ATAD1: variants seen among roughly 807,000 people sequenced by gnomAD.
The protein encoded by ATAD1 is ATPase family AAA domain containing 1.
In ATAD1, 18 loss-of-function variants were observed where a neutral mutation model predicts 42.7. That is an observed-to-expected ratio of 0.42 (90% CI 0.29 to 0.63). The LOEUF (loss-of-function observed/expected upper bound fraction) is 0.63. Among genes scored for constraint, ATAD1 ranks in the 20% least tolerant of loss-of-function variants. The pLI, the probability that ATAD1 is intolerant of heterozygous loss-of-function variation, is 0.19. For synonymous variants in ATAD1, 132 were observed against 143.1 expected (o/e 0.92, Z 0.55); for missense variants, 294 against 440.4 (o/e 0.67, Z 2.98).
intron 1 of ATAD1, among the ~76,000 whole-genome samples, chr10:87,827,237 G>C (rs765199556): frequency 6.6e-6 from 1 of 152,018 alleles, no homozygotes; most frequent in Admixed American, 6.6e-5. Flanking sequence ...ATAAAATTCT[G>C]TTTCAGTATT....
intron 5 of ATAD1, among the ~76,000 whole-genome samples, chr10:87,783,158 T>C (rs554552771): frequency 2.0e-5 from 3 of 152,216 alleles, no homozygotes; most frequent in African/African-American, 7.2e-5. Context: ...GCAGGGCAGA[T>C]TGCTTGGCCC....
rs1240912762 is a variant in ATAD1, at chr10:87,771,047, T to C, written c.691-6A>G. Reference sequence around the variant, plus strand: ...GTAGCTCCCATTACTATGACCTAAGTGTATAAAGAAGACAGAAGGTATTAA... The same window carrying C: ...GTAGCTCCCATTACTATGACCTAAGCGTATAAAGAAGACAGAAGGTATTAA... On this transcript the variant is annotated splice_region_variant and splice_polypyrimidine_tract_variant and intron_variant, in intron 6 of 9. Transcript: ENST00000680024. 6.2e-7 allele frequency: 1 copy of C among 1,607,410 alleles called. No individual in the cohort carries two copies. Among genetic ancestry groups the C allele is most frequent in the East Asian group, 2.2e-5 (1 of 44,742 alleles).
At chr10:87,806,888 A>G (rs1215432054) in intron 2 of ATAD1, among the ~76,000 whole-genome samples, 1 of 152,180 alleles carries the variant, frequency 6.6e-6, no homozygotes, top group Non-Finnish European at 1.5e-5. Context: ...ACTTAGCCAG[A>G]GGAATCTGCA....
intron 8 of ATAD1, among the ~76,000 whole-genome samples, chr10:87,765,855 C>A (rs1374081734): frequency 2.0e-5 from 3 of 151,988 alleles, no homozygotes; most frequent in Non-Finnish European, 4.4e-5. Context: ...CAGCAAGATA[C>A]CATCTCAACA....
upstream of ATAD1, among the ~76,000 whole-genome samples, chr10:87,823,093 A>C (rs1857660856): frequency 7.0e-6 from 1 of 142,388 alleles, no homozygotes; most frequent in Non-Finnish European, 1.5e-5. Context: ...AAGAGAACTA[A>C]AAAAAAAAAA....
intron 6 of ATAD1, among the ~76,000 whole-genome samples, chr10:87,772,969 T>G (rs1049031857): frequency 3.3e-5 from 5 of 152,180 alleles, no homozygotes; most frequent in African/African-American, 1.2e-4. Context: ...AAATCTTTAT[T>G]TTCTGTTCCT....
chr10:87,753,223 T>G lies in ATAD1; in HGVS notation c.*1464A>C, dbSNP rs1854087080. On this transcript the variant is annotated 3_prime_UTR_variant, in exon 10 of 10. Coordinates refer to ENST00000680024, the MANE Select transcript of ATAD1 (RefSeq NM_001321967.2). ...TATCTTGTATTCAGTTTTTCCATCC[T>G]CTTCACAATCTTCCATAACTTGCTT... 6.6e-6 allele frequency: 1 copy of G among 152,132 alleles called. No individual in the cohort carries two copies. Among genetic ancestry groups the G allele is most frequent in the East Asian group, 1.9e-4 (1 of 5,200 alleles). 9.4% of individuals were successfully genotyped at this position (152,132 alleles called of 1,614,324 possible).
chr10:87,809,821 T>A (rs1242941026), intron 2 of ATAD1, among the ~76,000 whole-genome samples: 1 of 151,928 alleles, frequency 6.6e-6, no homozygotes, highest in Admixed American at 6.6e-5. Context: ...TAATTTTGTA[T>A]TTTTAGTAGA....
intron 2 of ATAD1, among the ~76,000 whole-genome samples, chr10:87,804,187 T>C (rs1163253129): frequency 6.6e-6 from 1 of 152,200 alleles, no homozygotes; most frequent in Non-Finnish European, 1.5e-5. Context: ...CTTCAGCTCT[T>C]ACTTCTCTCA....
In ATAD1 at chr10:87,802,467, C is replaced by A. The variant is rs148141071; in HGVS notation, c.163-9712G>T. Among the ~76,000 whole-genome samples, 17 of 152,052 alleles carry A rather than the reference C, an allele frequency of 1.1e-4. No individual in the cohort carries two copies. In the East Asian group the frequency reaches 3.3e-3, roughly 29 times the overall value. On this transcript the variant is annotated intron_variant, in intron 2 of 9. Coordinates refer to ENST00000680024, the MANE Select transcript of ATAD1 (RefSeq NM_001321967.2). Reference sequence around the variant, plus strand: ...TGGGCTTGGCTTTAAAAAAGTCTTACCTGAGATTATTTCTATGGAACAAAG... The same window carrying A: ...TGGGCTTGGCTTTAAAAAAGTCTTAACTGAGATTATTTCTATGGAACAAAG...
chr10:87,839,218 C>A (rs1857985315), intron 1 of ATAD1, among the ~76,000 whole-genome samples: 1 of 152,110 alleles, frequency 6.6e-6, no homozygotes, highest in African/African-American at 2.4e-5. Context: ...TAATTTATTG[C>A]TTAATTGTTT....
At chr10:87,783,236 T>C (rs1044060623) in intron 5 of ATAD1, among the ~76,000 whole-genome samples, 1 of 151,818 alleles carries the variant, frequency 6.6e-6, no homozygotes, top group African/African-American at 2.4e-5. Context: ...TGGTGTGTGG[T>C]AGCACACACC....
chr10:87,763,367 T>C (rs568641549), intron 8 of ATAD1, among the ~76,000 whole-genome samples: 7 of 152,312 alleles, frequency 4.6e-5, no homozygotes. Context: ...TGATATGTTT[T>C]AAGGCAATAG....
intron 2 of ATAD1, among the ~76,000 whole-genome samples, chr10:87,797,483 T>G (rs980286800): frequency 6.6e-6 from 1 of 152,184 alleles, no homozygotes; most frequent in Non-Finnish European, 1.5e-5. Flanking sequence ...TTCTAATGAC[T>G]TGAACCCATT....
intron 1 of ATAD1, among the ~76,000 whole-genome samples, chr10:87,826,913 C>T (rs1857740263): frequency 6.6e-6 from 1 of 152,052 alleles, no homozygotes; most frequent in African/African-American, 2.4e-5. Context: ...ACTCATAGGC[C>T]AAAAAGAGAA....
upstream of ATAD1, chr10:87,819,263 C>CAAAAAAAAAAAAAAAAA (rs57941047): frequency 1.5e-4 from 8 of 53,716 alleles, no homozygotes; most frequent in African/African-American, 2.2e-4. Flanking sequence ...ATCGTCTCTA[C>CAAAAAAAAAAAAAAAAA]AAAAAAAAAA....
intron 2 of ATAD1, among the ~76,000 whole-genome samples, chr10:87,807,362 A>G (rs1447459810): frequency 6.6e-6 from 1 of 152,166 alleles, no homozygotes; most frequent in Middle Eastern, 3.2e-3. Context: ...ACTTTACTAG[A>G]TAATGCCAAA....
rs1260532112 is a variant in ATAD1 at position 87,825,365 on chromosome 10, A to G, written c.-13-10753T>C. ...TGCTCAGTCGCCCAGGCTGGAGTGC[A>G]GTGGCGCAATCTCGGCTCACCGCAA... On this transcript the variant is annotated intron_variant, in intron 1 of 4. Transcript: ENST00000495903. 3.6e-5 allele frequency among the ~76,000 whole-genome samples: 5 copies of G among 140,784 alleles called. No individual in the cohort carries two copies. The Admixed American group carries it at 3.9e-4, about 11-fold the overall frequency. The allele number at this position is 140,784 out of a possible 152,430, so 92.4% of individuals were successfully genotyped here. A position where few individuals can be genotyped will look rare whatever the true frequency, so the allele number is the denominator to read the frequency against.
chr10:87,790,315 G>A lies in ATAD1; in HGVS notation c.377C>T (p.Pro126Leu). The change falls in exon 4 of 10, where the codon CCA (proline) becomes CTA (leucine). Residue 126 changes from proline to leucine, a missense_variant. Pro to Leu is a moderately conservative substitution (Grantham distance 98). Transcript: ENST00000680024. The part of the protein sequence containing the change: ...LFENSRLLQP[P>L]KGVLLYGPPG... ...AATATATACCTTTACCATACCTTTTGGAGGCTGCAGAAGCCTGGAATTCTC... is the reference window on the plus strand; with the variant it reads ...AATATATACCTTTACCATACCTTTTAGAGGCTGCAGAAGCCTGGAATTCTC... 2 of 1,611,104 alleles carry A rather than the reference G, an allele frequency of 1.2e-6. No homozygotes were observed. Among genetic ancestry groups the A allele is most frequent in the Non-Finnish European group, 1.7e-6 (2 of 1,179,348 alleles).
Sources: allele counts gnomAD v4.1 joint callset (sites outside exome capture counted in the v4.1 genomes callset), GRCh38; gene constraint gnomAD v4.1.1; transcripts MANE v1.5; gene names NCBI Gene and HGNC (gene_info 2026-07-23, HGNC 2026-07-21).